MORC4: variants seen among roughly 807,000 people sequenced by gnomAD.
MORC4 encodes the protein MORC family CW-type zinc finger protein 4.
A neutral mutation model predicts 65.5 loss-of-function variants in MORC4; 22 were observed. The observed-to-expected ratio is 0.34, with a 90% CI of 0.24 to 0.48. The LOEUF (loss-of-function observed/expected upper bound fraction) is 0.48, where lower values mean the gene tolerates loss of function less well. MORC4 is among the 20% of genes least tolerant of loss of function. The pLI is 0.99. For missense variants in MORC4, 624 were observed against 703.0 expected (o/e 0.89, Z 1.27); for synonymous variants, 267 against 255.8 (o/e 1.04, Z -0.42).
At chrX:106,981,900 G>A (rs1286739211) in intron 5 of MORC4, among the ~76,000 whole-genome samples, 1 of 111,830 alleles carries the variant, frequency 8.9e-6, no homozygotes, top group Non-Finnish European at 1.9e-5. Flanking sequence ...AGACTAATAA[G>A]ACACTAAGAT....
At chrX:106,986,624 A>G (rs898726380) in intron 3 of MORC4, among the ~76,000 whole-genome samples, 1 of 111,310 alleles carries the variant, frequency 9.0e-6, no homozygotes, top group Non-Finnish European at 1.9e-5. Context: ...AGTTCCAGAT[A>G]TTGTCATTGG....
intron 14 of MORC4, among the ~76,000 whole-genome samples, chrX:106,946,856 G>A (rs1249574958): frequency 9.0e-6 from 1 of 111,322 alleles, no homozygotes; most frequent in Non-Finnish European, 1.9e-5. Flanking sequence ...TGCCCAGGCT[G>A]GTCTTGAACT....
intron 14 of MORC4, among the ~76,000 whole-genome samples, 173 bp from the exon 15 acceptor site, chrX:106,943,378 T>G (rs1286922823): frequency 8.9e-6 from 1 of 111,735 alleles, no homozygotes; most frequent in African/African-American, 3.3e-5. Flanking sequence ...ATTTCACTAG[T>G]GCGACTGGTA....
chrX:106,941,506 C>A lies in MORC4; in HGVS notation c.2787G>T (p.Val929=), dbSNP rs765799495. ...AATCCAGTATGTGATTTGCCTCCAG[C>A]ACCGTGTACAGGATCCCATCCACTT... The part of the protein sequence containing the change: ...SEQVDGILYT[V]LEANHILD The change falls in exon 17 of 17, where the codon GTG becomes GTT. Residue 929 remains valine (V), a synonymous_variant. Transcript: ENST00000355610. The A allele has an allele frequency of 2.5e-6, 3 of 1,208,664 alleles. No homozygotes were observed. Among genetic ancestry groups the A allele is most frequent in the South Asian group, 3.5e-5 (2 of 56,477 alleles).
intron 9 of MORC4, among the ~76,000 whole-genome samples, chrX:106,965,135 C>T (rs138573203): frequency 2.9e-3 from 323 of 111,998 alleles, no homozygotes; most frequent in South Asian, 0.028. Context: ...TTACAAATTA[C>T]TTATGATTTT....
Position 106,999,868 on chromosome X carries a change from C to G in MORC4, c.102G>C (p.Thr34=), listed in dbSNP as rs965185082. 216 of 835,766 alleles carry G rather than the reference C, an allele frequency of 2.6e-4. No homozygotes were observed. The highest frequency in any genetic ancestry group is 4.4e-4 in the South Asian group (7 of 16,046). The allele number at this position is 835,766 out of a possible 1,213,427, so 68.9% of individuals were successfully genotyped here. The change falls in exon 1 of 17, where the codon ACG becomes ACC. Residue 34 remains threonine (T), a splice_region_variant and synonymous_variant. Coordinates refer to ENST00000355610, the MANE Select transcript of MORC4 (RefSeq NM_024657.5). The stretch of plus-strand genomic sequence containing the variant: ...CCGCCCCCTCGGGCCCCGGACCTAC[C>G]GTGCTCAGGCGGATCCCGAAGGCCT... ...GPQAFGIRLS[T]MSPRYLQSNS... is the part of the protein sequence containing the mutation.
At chrX:106,970,860 G>A (rs759922392) in intron 9 of MORC4, among the ~76,000 whole-genome samples, 1 of 111,980 alleles carries the variant, frequency 8.9e-6, no homozygotes, top group East Asian at 2.8e-4. Context: ...TGGATAGGAA[G>A]AACAAATATT....
intron 9 of MORC4, among the ~76,000 whole-genome samples, chrX:106,964,185 C>G (rs1259989167): frequency 8.9e-6 from 1 of 111,776 alleles, no homozygotes; most frequent in Non-Finnish European, 1.9e-5. Context: ...AAAGAGATAA[C>G]AAACCTAAAA....
intron 9 of MORC4, among the ~76,000 whole-genome samples, chrX:106,970,728 A>C (rs192763726): frequency 6.5e-4 from 73 of 111,981 alleles, no homozygotes; most frequent in South Asian, 3.4e-3. Flanking sequence ...GTTGCTACTA[A>C]GAGAATAAAA....
chrX:106,999,728 T>C lies in MORC4; in HGVS notation c.124A>G (p.Ser42Gly). 4 of 1,121,507 alleles carry C rather than the reference T, an allele frequency of 3.6e-6. No homozygotes were observed. Among genetic ancestry groups the C allele is most frequent in the Non-Finnish European group, 4.7e-6 (4 of 853,130 alleles). The allele number at this position is 1,121,507 out of a possible 1,213,427, so 92.4% of individuals were successfully genotyped here. The change falls in exon 2 of 17, where the codon AGC becomes GGC. Residue 42 changes from serine to glycine, a missense_variant. Physicochemically the swap from Ser to Gly is moderately conservative, Grantham distance 56. Transcript: ENST00000355610. ...LSTMSPRYLQSNSSSHTRPFS... is the reference protein window; with the variant it reads ...LSTMSPRYLQGNSSSHTRPFS... ...GGTCGCGTGTGGCTGCTGGAGTTGC[T>C]CTGGAGGTAGCGGGGGCTCATCTGG...
intron 7 of MORC4, among the ~76,000 whole-genome samples, chrX:106,979,650 C>T (rs1934700102): frequency 9.0e-6 from 1 of 110,737 alleles, no homozygotes; most frequent in Admixed American, 9.6e-5. Flanking sequence ...ACTATAATAT[C>T]GGAAGGTAAT....
intron 9 of MORC4, among the ~76,000 whole-genome samples, chrX:106,970,093 A>G (rs1253307003): frequency 8.9e-6 from 1 of 111,923 alleles, no homozygotes; most frequent in Non-Finnish European, 1.9e-5. Flanking sequence ...ACACTGGCAA[A>G]CCGAATCCAG....
In MORC4 at chrX:106,981,035, G is replaced by A; in HGVS notation, c.808-16C>T. The A allele has an allele frequency of 2.5e-6, 3 of 1,206,387 alleles. No individual in the cohort carries two copies. The highest frequency in any genetic ancestry group is 3.4e-6 in the Non-Finnish European group (3 of 892,849). On this transcript the variant is annotated splice_polypyrimidine_tract_variant and intron_variant, in intron 6 of 16. Coordinates refer to ENST00000355610, the MANE Select transcript of MORC4 (RefSeq NM_024657.5). ...CACAAAATGCCTACGGAACAGAATG[G>A]TGAAGGGAAAGTTATTATGTGATAT... is the stretch of plus-strand genomic sequence containing the variant.
chrX:106,975,482 A>C (rs1249867738), intron 9 of MORC4, among the ~76,000 whole-genome samples: 4 of 111,661 alleles, frequency 3.6e-5, no homozygotes, highest in Non-Finnish European at 3.8e-5. Context: ...TCAAATAGTT[A>C]TCTCTCTCAA....
At chrX:106,998,373 A>G (rs887208925) in intron 2 of MORC4, among the ~76,000 whole-genome samples, 14 of 112,127 alleles carry the variant, frequency 1.2e-4, no homozygotes, top group African/African-American at 4.5e-4. Flanking sequence ...CAAAATCACA[A>G]ATATCCAAAA....
Position 106,942,534 on chromosome X carries a change from C to T in MORC4, c.2357G>A (p.Arg786Lys). The change falls in exon 15 of 17, where the codon AGG becomes AAG. Residue 786 changes from arginine to lysine, a missense_variant. By Grantham distance (26) the Arg-to-Lys change is conservative (BLOSUM62 2). Coordinates refer to ENST00000355610, the MANE Select transcript of MORC4 (RefSeq NM_024657.5). ...CCTAACCTTTTGCTGGAACAAATTC[C>T]TTTCAGCCAAAACACGTTCCAATTT... is the stretch of plus-strand genomic sequence containing the variant. ...TEKLERVLAE[R>K]NLFQQKVEEL... 8 of 1,209,918 alleles carry T rather than the reference C, an allele frequency of 6.6e-6. No homozygotes were observed. Among genetic ancestry groups the T allele is most frequent in the Non-Finnish European group, 8.9e-6 (8 of 894,634 alleles).
intron 4 of MORC4, 78 bp downstream of exon 4, chrX:106,985,905 G>T (rs1934859752): frequency 7.4e-6 from 6 of 805,794 alleles, no homozygotes; most frequent in Non-Finnish European, 1.1e-5. Context: ...AGTTGGATTT[G>T]ACCTGAAGTT....
At chrX:106,968,994 A>T (rs1435650241) in intron 9 of MORC4, among the ~76,000 whole-genome samples, 2 of 111,994 alleles carry the variant, frequency 1.8e-5, no homozygotes, top group African/African-American at 6.5e-5. Context: ...CCTAATAGAC[A>T]TCTACAGAAC....
chrX:106,967,652 G>A (rs1048932663), intron 9 of MORC4, among the ~76,000 whole-genome samples: 1 of 112,329 alleles, frequency 8.9e-6, no homozygotes, highest in Non-Finnish European at 1.9e-5. Flanking sequence ...ACCACAGTAT[G>A]AGAACTTCGT....
Sources: gnomAD v4.1 joint callset for allele counts (sites outside exome capture counted in the v4.1 genomes callset) on GRCh38, gnomAD v4.1.1 for gene constraint, MANE v1.5 for transcripts, NCBI Gene and HGNC (gene_info 2026-07-23, HGNC 2026-07-21) for gene names.